Variants in ANKS1B observed in about 807,000 individuals in gnomAD.
ANKS1B encodes the protein ankyrin repeat and sterile alpha motif domain-containing protein 1B.
In ANKS1B, 36 loss-of-function variants were observed where a neutral mutation model predicts 148.3. The ratio of observed to expected loss-of-function variants is 0.24; its 90% confidence interval spans 0.19 to 0.32. The LOEUF (loss-of-function observed/expected upper bound fraction) is 0.32, where lower values mean the gene tolerates loss of function less well. Among genes scored for constraint, ANKS1B ranks in the 10% least tolerant of loss-of-function variants. The pLI is 1.00. For missense variants in ANKS1B, 1,157 were observed against 1,542.6 expected (o/e 0.75, Z 4.19); for synonymous variants, 542 against 560.8 (o/e 0.97, Z 0.47).
At chr12:98,807,698 G>A (rs78048797) in intron 20 of ANKS1B, 146 bp downstream of exon 20, 3 of 523,598 alleles carry the variant, frequency 5.7e-6, no homozygotes, top group East Asian at 6.4e-5. Flanking sequence ...AGTAAATGAA[G>A]TATAATAGAC....
chr12:98,839,504 T>C (rs201401), intron 17 of ANKS1B, among the ~76,000 whole-genome samples: 53,823 of 152,072 alleles, frequency 0.35, 11,320 homozygotes, highest in South Asian at 0.62. Context: ...AGGAAGCTTA[T>C]CTGGAAATTA....
intron 9 of ANKS1B, among the ~76,000 whole-genome samples, chr12:99,532,294 A>C (rs11109904): frequency 2.4e-5 from 3 of 126,858 alleles, no homozygotes; most frequent in Non-Finnish European, 5.6e-5. Flanking sequence ...AGTTTTCCTA[A>C]GTTTTCTTCT....
At chr12:99,427,750 G>GATGAATGA (rs1311931860) in intron 11 of ANKS1B, among the ~76,000 whole-genome samples, 2 of 152,198 alleles carry the variant, frequency 1.3e-5, no homozygotes, top group Non-Finnish European at 2.9e-5. Context: ...GAGTAAAACG[G>GATGAATGA]ATGAATGAAT....
At chr12:98,912,011 G>A (rs1253893110) in intron 17 of ANKS1B, among the ~76,000 whole-genome samples, 1 of 152,140 alleles carries the variant, frequency 6.6e-6, no homozygotes, top group Non-Finnish European at 1.5e-5. Context: ...TCTTTCATGT[G>A]TTACCTCCTC....
chr12:99,062,997 C>A (rs538331791), intron 16 of ANKS1B, among the ~76,000 whole-genome samples: 1 of 152,222 alleles, frequency 6.6e-6, no homozygotes, highest in Non-Finnish European at 1.5e-5. Flanking sequence ...ACGTGAAGTA[C>A]CTGTGACCTT....
intron 17 of ANKS1B, among the ~76,000 whole-genome samples, chr12:99,024,692 T>C (rs772912581): frequency 6.6e-6 from 1 of 152,246 alleles, no homozygotes; most frequent in Non-Finnish European, 1.5e-5. Context: ...CCTTTCTTGC[T>C]GTAAAGAGAC....
At chr12:99,703,332 T>C (rs76222994) in intron 8 of ANKS1B, among the ~76,000 whole-genome samples, 3,360 of 152,250 alleles carry the variant, frequency 0.022, 133 homozygotes, top group African/African-American at 0.076. Flanking sequence ...TTATTTGTAA[T>C]AGTAAATGAA....
chr12:99,662,096 A>T (rs2098480460), intron 8 of ANKS1B, among the ~76,000 whole-genome samples: 1 of 151,432 alleles, frequency 6.6e-6, no homozygotes, highest in Non-Finnish European at 1.5e-5. Context: ...AGTAAAACAA[A>T]CTCTTTCTCT....
chr12:99,126,877 G>C (rs191286788), intron 15 of ANKS1B, among the ~76,000 whole-genome samples: 106 of 152,070 alleles, frequency 7.0e-4, no homozygotes, highest in South Asian at 2.1e-3. Context: ...ATGTTAACAG[G>C]GCTAGTGGAT....
At chr12:99,639,204 G>C (rs934869463) in intron 9 of ANKS1B, among the ~76,000 whole-genome samples, 1 of 152,202 alleles carries the variant, frequency 6.6e-6, no homozygotes, top group African/African-American at 2.4e-5. Context: ...CTACCCTATT[G>C]GATTTCAGAC....
intron 12 of ANKS1B, among the ~76,000 whole-genome samples, chr12:99,335,395 A>G (rs1603093327): frequency 1.3e-5 from 2 of 152,106 alleles, no homozygotes; most frequent in South Asian, 4.2e-4. Context: ...TAAGTATACA[A>G]TAAATTACTG....
intron 10 of ANKS1B, among the ~76,000 whole-genome samples, chr12:99,456,748 A>C (rs1458702234): frequency 2.6e-5 from 4 of 152,182 alleles, no homozygotes; most frequent in Non-Finnish European, 5.9e-5. Flanking sequence ...AAAATGAACA[A>C]GGCCTCCAAG....
chr12:99,826,386 G>A (rs929366637), intron 1 of ANKS1B, among the ~76,000 whole-genome samples: 1 of 152,046 alleles, frequency 6.6e-6, no homozygotes, highest in African/African-American at 2.4e-5. Context: ...CCAAACAAGG[G>A]GTCATGGCAG....
chr12:99,409,630 A>G (rs144895722), intron 11 of ANKS1B, among the ~76,000 whole-genome samples: 259 of 152,244 alleles, frequency 1.7e-3, no homozygotes, highest in African/African-American at 5.9e-3. Flanking sequence ...AAATATATAT[A>G]CCTACTATGT....
intron 9 of ANKS1B, chr12:98,735,705 G>T (rs2097769322): frequency 3.0e-6 from 2 of 670,496 alleles, no homozygotes; most frequent in Non-Finnish European, 5.7e-6. Flanking sequence ...ATATTGAGAT[G>T]TACCATGTGC....
At chr12:99,681,519 T>C (rs1157360499) in intron 8 of ANKS1B, among the ~76,000 whole-genome samples, 1 of 152,160 alleles carries the variant, frequency 6.6e-6, no homozygotes, top group African/African-American at 2.4e-5. Context: ...CAGGACTCTT[T>C]GCAGACACTC....
At chr12:99,368,718 A>G (rs2092923459) in intron 12 of ANKS1B, among the ~76,000 whole-genome samples, 1 of 152,208 alleles carries the variant, frequency 6.6e-6, no homozygotes, top group African/African-American at 2.4e-5. Context: ...AGAAAACGGA[A>G]AAGAAAAAAG....
chr12:99,264,721 G>A (rs1323349084), intron 12 of ANKS1B, among the ~76,000 whole-genome samples: 2 of 152,114 alleles, frequency 1.3e-5, no homozygotes, highest in Admixed American at 6.6e-5. Flanking sequence ...GCAAAGGGTG[G>A]TCTTAGCTTG....
At position 99,160,946 on chromosome 12, in the gene ANKS1B, T is replaced by C. The variant is rs187414363; in HGVS notation, c.2420-6551A>G. Among the ~76,000 whole-genome samples, 5 of 152,300 alleles carry C rather than the reference T, an allele frequency of 3.3e-5. No homozygotes were observed. In the East Asian group the frequency reaches 9.7e-4, roughly 29 times the overall value. ...TGCTATTTTGTTTATTGTAGCCTTA[T>C]AGCATAGTTTGAAGTCAGGGAATGC... On this transcript the variant is annotated intron_variant, in intron 14 of 26. Transcript: ENST00000683438.
Sources: gnomAD v4.1 joint callset for allele counts (sites outside exome capture counted in the v4.1 genomes callset) on GRCh38, gnomAD v4.1.1 for gene constraint, MANE v1.5 for transcripts, NCBI Gene and HGNC (gene_info 2026-07-23, HGNC 2026-07-21) for gene names.